The following KIAA1217 variants were observed in gnomAD, a reference collection of about 807,000 sequenced individuals.
KIAA1217 encodes sickle tail protein homolog.
KIAA1217 carries 88 observed loss-of-function variants against 163.9 expected under a neutral mutation model. The observed-to-expected ratio is 0.54, with a 90% CI of 0.45 to 0.64. The LOEUF is 0.64. Among genes scored for constraint, KIAA1217 ranks in the 30% least tolerant of loss-of-function variants. The probability of loss-of-function intolerance (pLI) is 0.00; values close to 1 mark genes in which losing one functional copy is unlikely to be tolerated. For synonymous variants in KIAA1217, 903 were observed against 923.1 expected, an observed-to-expected ratio of 0.98 and a Z score of 0.39; for missense variants, 2,372 against 2,475.0, an observed-to-expected ratio of 0.96 and a Z score of 0.88.
intron 6 of KIAA1217, among the ~76,000 whole-genome samples, chr10:24,475,073 G>A (rs905002439): frequency 6.6e-6 from 1 of 152,112 alleles, no homozygotes; most frequent in African/African-American, 2.4e-5. Context: ...ACAAAAATTA[G>A]TCGGGTGTGG....
rs1285788679 is a variant in KIAA1217 at position 24,254,773 on chromosome 10, A to G, written c.354+34864A>G. Among the ~76,000 whole-genome samples the G allele has an allele frequency of 4.6e-5, 7 of 152,322 alleles. No homozygotes were observed. In the South Asian group the frequency reaches 1.4e-3, roughly 32 times the overall value. On this transcript the variant is annotated intron_variant, in intron 2 of 20. Transcript: ENST00000376454. ...ATGAATTAGGTAAAGATCTGTCTCT[A>G]ACCTTGGGCTATATGTGAACATTAA...
chr10:23,728,311 T>C (rs11013664), intron 1 of KIAA1217, among the ~76,000 whole-genome samples: 33,136 of 151,976 alleles, frequency 0.22, 3,831 homozygotes, highest in African/African-American at 0.28. Flanking sequence ...TTTCTCCACA[T>C]CCTCTCCAGC....
At chr10:23,904,831 G>A (rs1842086581) in intron 1 of KIAA1217, among the ~76,000 whole-genome samples, 1 of 152,034 alleles carries the variant, frequency 6.6e-6, no homozygotes, top group Admixed American at 6.6e-5. Context: ...AGAGCTCTAT[G>A]AGGGTCAAAA....
chr10:24,149,157 T>C (rs949889826), intron 2 of KIAA1217, among the ~76,000 whole-genome samples: 1 of 152,136 alleles, frequency 6.6e-6, no homozygotes, highest in African/African-American at 2.4e-5. Context: ...ACAACAATTT[T>C]TTTCCTCCTC....
intron 1 of KIAA1217, among the ~76,000 whole-genome samples, chr10:23,901,679 C>T (rs1054867450): frequency 1.1e-4 from 16 of 151,828 alleles, no homozygotes; most frequent in Non-Finnish European, 2.4e-4. Flanking sequence ...GAGACTGAGG[C>T]GGGTGGATCA....
At chr10:24,491,469 T>C (rs1017608094) in intron 6 of KIAA1217, among the ~76,000 whole-genome samples, 3 of 151,942 alleles carry the variant, frequency 2.0e-5, no homozygotes, top group Non-Finnish European at 2.9e-5. Flanking sequence ...TTTGTATTTT[T>C]AGTAGAGACG....
chr10:24,435,409 C>G (rs1392385734), intron 4 of KIAA1217, among the ~76,000 whole-genome samples: 1 of 152,232 alleles, frequency 6.6e-6, no homozygotes, highest in African/African-American at 2.4e-5. Context: ...ATCCCACATA[C>G]TGTTTTTACA....
chr10:24,302,580 A>G (rs998431679), intron 2 of KIAA1217, among the ~76,000 whole-genome samples: 5 of 151,534 alleles, frequency 3.3e-5, no homozygotes, highest in African/African-American at 7.3e-5. Flanking sequence ...TAGGTCTGGA[A>G]AAACAGGGAA....
chr10:24,121,170 C>T (rs1564725510), intron 2 of KIAA1217, among the ~76,000 whole-genome samples: 1 of 152,124 alleles, frequency 6.6e-6, no homozygotes, highest in Non-Finnish European at 1.5e-5. Flanking sequence ...TCTCTATTAC[C>T]TTCATTCATG....
intron 2 of KIAA1217, among the ~76,000 whole-genome samples, chr10:24,311,582 G>A (rs1160950831): frequency 1.3e-5 from 2 of 152,192 alleles, no homozygotes; most frequent in Non-Finnish European, 2.9e-5. Flanking sequence ...TTAGCCGATA[G>A]TTACAGCTCT....
intron 1 of KIAA1217, among the ~76,000 whole-genome samples, chr10:23,762,313 CAA>C (rs140364563): frequency 0.057 from 8,003 of 141,098 alleles, 656 homozygotes; most frequent in African/African-American, 0.18. Context: ...AGAGACACAA[CAA>C]AAAAAAAAAA....
In KIAA1217 at chr10:24,542,591, C is replaced by T. The variant is rs181964411; in HGVS notation, c.3535-102C>T. Reference sequence around the variant, plus strand: ...TGGTGTGTAAGAAATATGCGTGGCCCGCATGTCTTAGAAATGTAATTAAAG... The same window carrying T: ...TGGTGTGTAAGAAATATGCGTGGCCTGCATGTCTTAGAAATGTAATTAAAG... On this transcript the variant is annotated intron_variant, in intron 17 of 20. Coordinates refer to ENST00000376454, the MANE Select transcript of KIAA1217 (RefSeq NM_019590.5). 383 of 1,565,060 alleles carry T rather than the reference C, an allele frequency of 2.4e-4. No homozygotes were observed. The Middle Eastern group carries it at 2.9e-3, about 12-fold the overall frequency.
At position 24,494,603 on chromosome 10, in the gene KIAA1217, A is replaced by T; in HGVS notation, c.1783A>T (p.Ser595Cys). The T allele has an allele frequency of 1.3e-6, 2 of 1,590,270 alleles. No homozygotes were observed. The highest frequency in any genetic ancestry group is 1.7e-6 in the Non-Finnish European group (2 of 1,163,300). ...PITSYSKDAS[S>C]EKMMKTTANR... is the part of the protein sequence containing the mutation. ...TACAAGTTATAGCAAAGATGCGTCT[A>T]GGTAAAAAAGAAGAAAGCCAATGAA... The change falls in exon 7 of 21, where the codon AGC (serine) becomes TGC (cysteine). Residue 595 changes from serine (S) to cysteine (C), a missense_variant and splice_region_variant. By Grantham distance (112) the Ser-to-Cys change is moderately radical. Coordinates refer to ENST00000376454, the MANE Select transcript of KIAA1217 (RefSeq NM_019590.5).
At chr10:24,295,719 A>G (rs2040517605) in intron 2 of KIAA1217, among the ~76,000 whole-genome samples, 1 of 152,118 alleles carries the variant, frequency 6.6e-6, no homozygotes, top group Non-Finnish European at 1.5e-5. Flanking sequence ...CTTTGTTGAC[A>G]CTGGTCCCTC....
intron 2 of KIAA1217, among the ~76,000 whole-genome samples, chr10:24,032,575 C>A (rs1239254083): frequency 6.6e-6 from 1 of 152,118 alleles, no homozygotes; most frequent in Admixed American, 6.6e-5. Context: ...CTCCTCAGAA[C>A]TATGTAAGTC....
chr10:24,395,212 A>G (rs1437270766), intron 3 of KIAA1217, among the ~76,000 whole-genome samples: 1 of 152,058 alleles, frequency 6.6e-6, no homozygotes, highest in Non-Finnish European at 1.5e-5. Context: ...CCTCTCCCCC[A>G]TTCTTTGCTG....
intron 1 of KIAA1217, among the ~76,000 whole-genome samples, chr10:23,838,870 A>G (rs1379416924): frequency 1.3e-5 from 2 of 152,168 alleles, no homozygotes; most frequent in Non-Finnish European, 2.9e-5. Flanking sequence ...CAAGTATTCT[A>G]TCTTATGAGT....
intron 2 of KIAA1217, among the ~76,000 whole-genome samples, chr10:24,299,466 G>T (rs138619923): frequency 1.0e-3 from 158 of 152,022 alleles, no homozygotes; most frequent in African/African-American, 3.7e-3. Flanking sequence ...GGCTCTGATC[G>T]TAGCTCACTG....
At chr10:23,751,176 T>C (rs1389011796) in intron 1 of KIAA1217, among the ~76,000 whole-genome samples, 1 of 151,996 alleles carries the variant, frequency 6.6e-6, no homozygotes, top group Non-Finnish European at 1.5e-5. Context: ...TACAGGTGCA[T>C]GCCACCTTGC....
Sources: gnomAD v4.1 joint callset for allele counts (sites outside exome capture counted in the v4.1 genomes callset) on GRCh38, gnomAD v4.1.1 for gene constraint, MANE v1.5 for transcripts, NCBI Gene and HGNC (gene_info 2026-07-23, HGNC 2026-07-21) for gene names.